RAB27A: variants seen among roughly 807,000 people sequenced by gnomAD.
RAB27A encodes ras-related protein Rab-27A.
Under a neutral mutation model 20.8 loss-of-function variants are expected in RAB27A, and 17 were observed. The ratio of observed to expected loss-of-function variants is 0.82; its 90% CI spans 0.56 to 1.23. The LOEUF is 1.23. RAB27A is among the 50% of genes most tolerant of loss of function. The pLI is 0.00. For missense variants in RAB27A, 277 were observed against 266.7 expected, an observed-to-expected ratio of 1.04 and a Z score of -0.27; for synonymous variants, 85 against 92.8, an observed-to-expected ratio of 0.92 and a Z score of 0.48.
intron 2 of RAB27A, among the ~76,000 whole-genome samples, chr15:55,255,706 T>C (rs1354411658): frequency 6.6e-6 from 1 of 152,206 alleles, no homozygotes; most frequent in Non-Finnish European, 1.5e-5. Flanking sequence ...AGTACGGTGC[T>C]AGCAACTACG....
intron 2 of RAB27A, among the ~76,000 whole-genome samples, chr15:55,297,887 C>T (rs2054955986): frequency 6.6e-6 from 1 of 152,118 alleles, no homozygotes; most frequent in Admixed American, 6.6e-5. Context: ...TTCTACAACA[C>T]AGCAGGCCAG....
upstream of RAB27A, among the ~76,000 whole-genome samples, chr15:55,291,274 C>G (rs896813704): frequency 2.9e-4 from 44 of 152,156 alleles, no homozygotes; most frequent in African/African-American, 9.9e-4. Flanking sequence ...ACTTTGGGAG[C>G]CCGAGGCCGG....
At chr15:55,309,910 G>A (rs942106937) in intron 2 of RAB27A, among the ~76,000 whole-genome samples, 1 of 151,898 alleles carries the variant, frequency 6.6e-6, no homozygotes, top group South Asian at 2.1e-4. Flanking sequence ...GTTGGGCCTC[G>A]GGTCTAAGGG....
intron 1 of RAB27A, 85 bp downstream of exon 1, chr15:55,289,631 A>T (rs931146915): frequency 6.5e-6 from 1 of 152,714 alleles, no homozygotes; most frequent in Non-Finnish European, 1.5e-5. Context: ...CCCCAGCCCT[A>T]GGACGGCCCC....
chr15:55,206,711 A>T (rs914926440), intron 6 of RAB27A, among the ~76,000 whole-genome samples: 31 of 152,142 alleles, frequency 2.0e-4, no homozygotes, highest in African/African-American at 7.0e-4. Context: ...GAAAAGTAAA[A>T]CTTGAAAACT....
At position 55,205,744 on chromosome 15, in the gene RAB27A, G is replaced by A. The variant is rs762572722; in HGVS notation, c.468-39C>T. The A allele has an allele frequency of 2.2e-5, 34 of 1,514,486 alleles. No homozygotes were observed. The Admixed American group carries it at 5.7e-4, about 25-fold the overall frequency. The allele number at this position is 1,514,486 out of a possible 1,614,324, so 93.8% of individuals were successfully genotyped here. The stretch of plus-strand genomic sequence containing the variant: ...ACAACTGAGGTAACAACATGTGGAG[G>A]GAAAGGAGAGTGACCTTTGCTCTTG... On this transcript the variant is annotated intron_variant, in intron 6 of 6. Transcript: ENST00000336787.
chr15:55,244,268 T>C (rs777762607), intron 2 of RAB27A, among the ~76,000 whole-genome samples: 9 of 152,028 alleles, frequency 5.9e-5, no homozygotes, highest in Admixed American at 3.3e-4. Context: ...TGAGCAGAGA[T>C]AGCACCACTG....
intron 6 of RAB27A, among the ~76,000 whole-genome samples, chr15:55,223,688 A>C (rs927259860): frequency 6.6e-6 from 1 of 152,222 alleles, no homozygotes; most frequent in Admixed American, 6.5e-5. Flanking sequence ...ATGGGACCAA[A>C]GCACTGAAGG....
intron 3 of RAB27A, 35 bp downstream of exon 3, chr15:55,234,747 G>A (rs1266690537): frequency 8.9e-6 from 14 of 1,578,566 alleles, no homozygotes; most frequent in Admixed American, 8.4e-5. Flanking sequence ...TTGACTTAAC[G>A]ATTACATTTT....
At chr15:55,252,631 C>CATCCA (rs2141040642) in intron 2 of RAB27A, among the ~76,000 whole-genome samples, 1 of 151,912 alleles carries the variant, frequency 6.6e-6, no homozygotes, top group East Asian at 2.0e-4. Flanking sequence ...AATAATAATT[C>CATCCA]ATCCATGCAG....
chr15:55,244,025 G>A (rs1281947844), intron 2 of RAB27A, among the ~76,000 whole-genome samples: 1 of 152,168 alleles, frequency 6.6e-6, no homozygotes, highest in Non-Finnish European at 1.5e-5. Context: ...GCTTGGGCGG[G>A]CACAGTGGCT....
At chr15:55,274,794 T>TTATATATATATATATATATATATATATA (rs371945954) in intron 1 of RAB27A, among the ~76,000 whole-genome samples, 2 of 52,152 alleles carry the variant, frequency 3.8e-5, no homozygotes, top group African/African-American at 1.2e-4. Context: ...AATAAATAAA[T>TTATATATATATATATATATATATATATA]TATATATATA....
intron 2 of RAB27A, among the ~76,000 whole-genome samples, chr15:55,243,461 C>A (rs1423039982): frequency 6.6e-6 from 1 of 151,842 alleles, no homozygotes; most frequent in Non-Finnish European, 1.5e-5. Context: ...TCAAGACCAG[C>A]CTGGCCAACA....
intron 2 of RAB27A, among the ~76,000 whole-genome samples, chr15:55,302,241 G>A (rs113742719): frequency 0.051 from 7,751 of 150,560 alleles, 272 homozygotes; most frequent in East Asian, 0.15. Flanking sequence ...CCGCCGCCAC[G>A]CCTGACTGGT....
At position 55,216,358 on chromosome 15, in the gene RAB27A, C is replaced by A. The variant is rs1012996482; in HGVS notation, c.467+7531G>T. On this transcript the variant is annotated intron_variant, in intron 6 of 6. Coordinates refer to ENST00000336787, the MANE Select transcript of RAB27A (RefSeq NM_183235.3). ...GATCAGCCTGGCCAACATGGTGAAA[C>A]CCTGTCTCTACTAAAAACACAAAAA... Among the ~76,000 whole-genome samples the A allele has an allele frequency of 2.0e-5, 3 of 152,012 alleles. No individual in the cohort carries two copies. The East Asian group carries it at 5.8e-4, about 29-fold the overall frequency.
At chr15:55,212,902 C>G (rs1004403208) in intron 6 of RAB27A, among the ~76,000 whole-genome samples, 2 of 152,214 alleles carry the variant, frequency 1.3e-5, no homozygotes, top group African/African-American at 4.8e-5. Flanking sequence ...AAATAACTCA[C>G]AAAGCATTGC....
At chr15:55,266,726 G>C (rs1282848701) in intron 2 of RAB27A, among the ~76,000 whole-genome samples, 1 of 152,112 alleles carries the variant, frequency 6.6e-6, no homozygotes. Context: ...TGCACAGAAA[G>C]GTTAATAAAG....
intron 2 of RAB27A, among the ~76,000 whole-genome samples, chr15:55,241,784 G>T (rs1566915506): frequency 6.7e-6 from 1 of 150,192 alleles, no homozygotes; most frequent in Non-Finnish European, 1.5e-5. Context: ...TTGTAGCCTG[G>T]GCAACAGATT....
At chr15:55,215,805 G>C (rs1043030580) in intron 6 of RAB27A, among the ~76,000 whole-genome samples, 3 of 151,730 alleles carry the variant, frequency 2.0e-5, no homozygotes, top group African/African-American at 7.3e-5. Context: ...AATTAGCCAG[G>C]CGTGGTGGCA....
Sources: gnomAD v4.1 joint callset for allele counts (sites outside exome capture counted in the v4.1 genomes callset) on GRCh38, gnomAD v4.1.1 for gene constraint, MANE v1.5 for transcripts, NCBI Gene and HGNC (gene_info 2026-07-23, HGNC 2026-07-21) for gene names.